Variants in CPAP observed in about 807,000 individuals in gnomAD.
CPAP encodes the protein centrosome assembly and centriole elongation protein, also known as centrosomal P4.1-associated protein.
At chr13:24,908,920 G>A in the CPAP span, among the ~76,000 whole-genome samples, 1 of 152,096 alleles carries the variant, frequency 6.6e-6, no homozygotes, top group Non-Finnish European at 1.5e-5. Context: ...TGAAATATTT[G>A]GAATGAAGTA....
chr13:24,911,486 C>T, the CPAP span, among the ~76,000 whole-genome samples: 2 of 152,138 alleles, frequency 1.3e-5, no homozygotes, highest in Non-Finnish European at 2.9e-5. Flanking sequence ...ATTCATCAGG[C>T]AGGGGTTGGA....
chr13:24,926,101 T>C, the CPAP span, among the ~76,000 whole-genome samples: 1 of 152,174 alleles, frequency 6.6e-6, no homozygotes, highest in Non-Finnish European at 1.5e-5. Context: ...CCAGGGTCTG[T>C]GGGACAGACC....
chr13:24,898,678 C>T, the CPAP span, among the ~76,000 whole-genome samples: 2 of 152,142 alleles, frequency 1.3e-5, no homozygotes, highest in African/African-American at 2.4e-5. Context: ...ATAACTCAAG[C>T]TGTACGTGTG....
chr13:24,887,308 A>G, the CPAP span, among the ~76,000 whole-genome samples: 2 of 152,236 alleles, frequency 1.3e-5, no homozygotes, highest in Admixed American at 1.3e-4. Flanking sequence ...ACCCCACGGT[A>G]TACTGGTCTG....
chr13:24,899,407 GA>G, the CPAP span: 1 of 1,601,368 alleles, frequency 6.2e-7, no homozygotes, highest in Admixed American at 1.7e-5. Flanking sequence ...ATAACATAAA[GA>G]ACTAGCATAC....
chr13:24,905,933 C>A, the CPAP span: 1 of 1,614,184 alleles, frequency 6.2e-7, no homozygotes, highest in Non-Finnish European at 8.5e-7. Flanking sequence ...GTCAGTGCTA[C>A]TGTCACTATT....
chr13:24,906,820 A>T, the CPAP span: 14 of 1,614,116 alleles, frequency 8.7e-6, no homozygotes, highest in Middle Eastern at 1.6e-4. Flanking sequence ...GGTCCTCGGA[A>T]GTGCTCTGGT....
chr13:24,890,446 G>A, the CPAP span, among the ~76,000 whole-genome samples: 23 of 152,248 alleles, frequency 1.5e-4, no homozygotes, highest in African/African-American at 5.5e-4. Context: ...TCGACCCCCA[G>A]TGCTTGCCAT....
the CPAP span, chr13:24,899,383 T>A: frequency 1.3e-6 from 2 of 1,533,282 alleles, no homozygotes; most frequent in African/African-American, 2.7e-5. Context: ...TCACCTTTAC[T>A]AACTTACATG....
chr13:24,912,802 A>G, the CPAP span: 1 of 1,614,206 alleles, frequency 6.2e-7, no homozygotes, highest in Non-Finnish European at 8.5e-7. Flanking sequence ...CTGTTCTTCA[A>G]GAAGTGAATC....
At chr13:24,911,993 T>C in the CPAP span, 5 of 1,614,208 alleles carry the variant, frequency 3.1e-6, no homozygotes, top group Non-Finnish European at 3.4e-6. Context: ...CTTCTCTTGT[T>C]CTTCCATGAG....
chr13:24,921,815 T>C, the CPAP span, among the ~76,000 whole-genome samples: 1 of 152,100 alleles, frequency 6.6e-6, no homozygotes, highest in African/African-American at 2.4e-5. Flanking sequence ...GACTTTTGCA[T>C]CTCCTCCTCC....
At chr13:24,913,968 T>C in the CPAP span, among the ~76,000 whole-genome samples, 2 of 152,180 alleles carry the variant, frequency 1.3e-5, no homozygotes, top group African/African-American at 2.4e-5. Flanking sequence ...ATTTATTGGG[T>C]TCTTACTCTG....
the CPAP span, among the ~76,000 whole-genome samples, chr13:24,933,843 G>A: frequency 9.4e-4 from 143 of 152,080 alleles, no homozygotes; most frequent in East Asian, 0.025. Flanking sequence ...TCCTGCCTCA[G>A]CCTCCTGAGT....
chr13:24,912,119 T>C, the CPAP span: 5,934 of 1,549,104 alleles, frequency 3.8e-3, 16 homozygotes, highest in Admixed American at 5.5e-3. Context: ...CAATTCTTCA[T>C]GGACACCTCG....
At chr13:24,888,593 C>T in the CPAP span, among the ~76,000 whole-genome samples, 1 of 152,120 alleles carries the variant, frequency 6.6e-6, no homozygotes, top group East Asian at 1.9e-4. Context: ...AAAACTGGTA[C>T]AACCATGTTG....
the CPAP span, chr13:24,912,096 T>C: frequency 4.4e-6 from 7 of 1,598,166 alleles, no homozygotes; most frequent in African/African-American, 9.4e-5. Flanking sequence ...TTAACTTTAT[T>C]AAATCAACTT....
At chr13:24,917,735 G>A in the CPAP span, among the ~76,000 whole-genome samples, 1 of 152,164 alleles carries the variant, frequency 6.6e-6, no homozygotes, top group African/African-American at 2.4e-5. Context: ...CCAGAGAAGA[G>A]ACTAGGTAAT....
At chr13:24,898,056 G>A in the CPAP span, among the ~76,000 whole-genome samples, 1 of 152,068 alleles carries the variant, frequency 6.6e-6, no homozygotes, top group Non-Finnish European at 1.5e-5. Flanking sequence ...ACGACACCCG[G>A]CTAATTTTTT....
Sources: allele counts gnomAD v4.1 joint callset (sites outside exome capture counted in the v4.1 genomes callset), GRCh38; gene constraint gnomAD v4.1.1; transcripts MANE v1.5; gene names NCBI Gene and HGNC (gene_info 2026-07-23, HGNC 2026-07-21).